HOXC6: variants seen among roughly 807,000 people sequenced by gnomAD.
The protein encoded by HOXC6 is homeobox protein Hox-C6.
In HOXC6, 10 loss-of-function variants were observed where a neutral mutation model predicts 24.0. The ratio of observed to expected loss-of-function variants is 0.42; its 90% confidence interval spans 0.26 to 0.71. HOXC6 has a LOEUF of 0.71. HOXC6 is among the 30% of genes least tolerant of loss of function. HOXC6 has a pLI of 0.28. For missense variants in HOXC6, 258 were observed against 303.4 expected (o/e 0.85, Z 1.11); for synonymous variants, 123 against 128.1 (o/e 0.96, Z 0.27).
At chr12:54,026,969 G>GT (rs551975494), upstream of HOXC6, among the ~76,000 whole-genome samples, 15 of 137,874 alleles carry the variant, frequency 1.1e-4, no homozygotes, top group South Asian at 3.1e-3. Context: ...AATGGTGGGG[G>GT]GGGGGGGATA....
upstream of HOXC6, among the ~76,000 whole-genome samples, chr12:54,023,764 G>A (rs1435340850): frequency 6.6e-6 from 1 of 152,180 alleles, no homozygotes; most frequent in Non-Finnish European, 1.5e-5. Flanking sequence ...AAGGAGGAGT[G>A]TACCTTTTTG....
upstream of HOXC6, among the ~76,000 whole-genome samples, chr12:54,025,711 G>A (rs188868870): frequency 3.9e-5 from 6 of 152,138 alleles, no homozygotes; most frequent in Admixed American, 3.3e-4. Flanking sequence ...GTTTAGGGAC[G>A]TCATAAAACA....
At chr12:54,028,996 G>GC in intron 1 of HOXC6, 75 bp downstream of exon 1, 1 of 1,434,266 alleles carries the variant, frequency 7.0e-7, no homozygotes, top group Non-Finnish European at 9.4e-7. Context: ...AGAAGAACGG[G>GC]CGGAGAGAGT....
chr12:54,028,262 TATATA>T (rs1329695523), upstream of HOXC6: 474 of 73,504 alleles, frequency 6.4e-3, 5 homozygotes, highest in African/African-American at 0.019. Context: ...TATATATATA[TATATA>T]TTTTTTAAAA....
At chr12:54,024,073 C>A (rs1592225463), upstream of HOXC6, among the ~76,000 whole-genome samples, 1 of 152,210 alleles carries the variant, frequency 6.6e-6, no homozygotes, top group Non-Finnish European at 1.5e-5. Flanking sequence ...ACTGAGCAGT[C>A]GCTCCAGAAC....
At chr12:54,025,017 C>G (rs1377052871), upstream of HOXC6, among the ~76,000 whole-genome samples, 1 of 152,158 alleles carries the variant, frequency 6.6e-6, no homozygotes, top group Non-Finnish European at 1.5e-5. Context: ...AAAATCTGCT[C>G]TTGACACCAA....
intron 1 of HOXC6, among the ~76,000 whole-genome samples, chr12:54,019,563 C>T (rs1023638693): frequency 6.6e-6 from 1 of 152,298 alleles, no homozygotes; most frequent in Non-Finnish European, 1.5e-5. Flanking sequence ...TGGATGGCCG[C>T]TGATGGGGGG....
chr12:54,025,727 C>A (rs1940666397), upstream of HOXC6, among the ~76,000 whole-genome samples: 2 of 152,140 alleles, frequency 1.3e-5, no homozygotes, highest in African/African-American at 2.4e-5. Flanking sequence ...AAACACTTAA[C>A]TTTCTGGGGC....
At chr12:54,027,040 T>G (rs1054224573), upstream of HOXC6, among the ~76,000 whole-genome samples, 139 of 152,214 alleles carry the variant, frequency 9.1e-4, 3 homozygotes, top group Non-Finnish European at 1.2e-4. Context: ...CAAGGCATTT[T>G]CAGCCTATAT....
upstream of HOXC6, among the ~76,000 whole-genome samples, chr12:54,027,908 T>G (rs1230158981): frequency 2.0e-5 from 3 of 152,176 alleles, no homozygotes; most frequent in African/African-American, 7.2e-5. Flanking sequence ...TTTTGATTTT[T>G]TTTTAATTAT....
At chr12:54,026,533 A>G (rs2136431294), upstream of HOXC6, among the ~76,000 whole-genome samples, 1 of 152,192 alleles carries the variant, frequency 6.6e-6, no homozygotes, top group East Asian at 1.9e-4. Flanking sequence ...AGAAAGTGTG[A>G]TCTAGAAGGA....
Position 54,030,098 on chromosome 12 carries a change from C to T in HOXC6, c.*136C>T. 1 of 884,540 alleles carries T rather than the reference C, an allele frequency of 1.1e-6. No individual in the cohort carries two copies. Among genetic ancestry groups the T allele is most frequent in the Non-Finnish European group, 1.7e-6 (1 of 598,008 alleles). The allele number at this position is 884,540 out of a possible 1,614,324, so 54.8% of individuals were successfully genotyped here. On this transcript the variant is annotated 3_prime_UTR_variant, in exon 2 of 2. Transcript: ENST00000243108. ...CCTAAAACAAAATTAGGGAGTCAAA[C>T]GTGGACCTGAAAGTCAGCTCTGGAC...
At chr12:54,025,530 G>T (rs974928372), upstream of HOXC6, among the ~76,000 whole-genome samples, 24 of 42,094 alleles carry the variant, frequency 5.7e-4, no homozygotes, top group Admixed American at 2.4e-3. Context: ...AGGTAATTGG[G>T]GGGGGGGGAG....
intron 1 of HOXC6, chr12:54,022,252 G>A (rs932009835): frequency 2.6e-5 from 4 of 152,030 alleles, no homozygotes; most frequent in Non-Finnish European, 5.9e-5. Flanking sequence ...AATGTTGGTG[G>A]ATTCATAAAG....
upstream of HOXC6, among the ~76,000 whole-genome samples, chr12:54,026,152 G>A (rs188469321): frequency 3.3e-5 from 5 of 152,126 alleles, no homozygotes; most frequent in Admixed American, 6.5e-5. Flanking sequence ...TCTCTCTTCC[G>A]GCCTCTTCTA....
Position 54,029,794 on chromosome 12 carries a change from G to C in HOXC6, c.540G>C (p.Leu180=). The C allele has an allele frequency of 6.2e-7, 1 of 1,614,082 alleles. No individual in the cohort carries two copies. ...RRIEIANALC[L]TERQIKIWFQ... Reference sequence around the variant, plus strand: ...TCGAGATCGCCAACGCGCTTTGCCTGACCGAGCGACAGATCAAAATCTGGT... The same window carrying C: ...TCGAGATCGCCAACGCGCTTTGCCTCACCGAGCGACAGATCAAAATCTGGT... The change falls in exon 2 of 2, where the codon CTG becomes CTC. Residue 180 remains leucine, a synonymous_variant. Transcript: ENST00000243108.
rs377315282 is a variant in HOXC6, at chr12:54,028,601, A to G, written c.80A>G (p.Asn27Ser). Reference protein sequence around the residue: ...GQDVLPNVALNSTAYDPVRHF... With the variant: ...GQDVLPNVALSSTAYDPVRHF... ...GACGTCCTCCCCAACGTCGCCCTCA[A>G]TTCCACCGCCTATGATCCAGTGAGG... Residue 27 changes from asparagine to serine, a missense_variant, in exon 1 of 2, where the codon AAT becomes AGT. Asn to Ser is a conservative substitution (Grantham distance 46). Coordinates refer to ENST00000243108, the MANE Select transcript of HOXC6 (RefSeq NM_004503.4). The G allele has an allele frequency of 2.1e-5, 34 of 1,613,904 alleles. No individual in the cohort carries two copies. The East Asian group carries it at 4.5e-4, about 21-fold the overall frequency.
upstream of HOXC6, among the ~76,000 whole-genome samples, chr12:54,025,526 T>G (rs1456298714): frequency 6.6e-5 from 1 of 15,202 alleles, no homozygotes; most frequent in African/African-American, 1.2e-4. Context: ...TGAAAGGTAA[T>G]TGGGGGGGGG....
intron 1 of HOXC6, chr12:54,021,203 C>G (rs958171915): frequency 2.0e-5 from 3 of 152,272 alleles, no homozygotes. Flanking sequence ...CCCAGCCGGC[C>G]GCTCACCCCG....
Sources: allele counts gnomAD v4.1 joint callset (sites outside exome capture counted in the v4.1 genomes callset), GRCh38; gene constraint gnomAD v4.1.1; transcripts MANE v1.5; gene names NCBI Gene and HGNC (gene_info 2026-07-23, HGNC 2026-07-21).